DYNC2H1: variants seen among roughly 807,000 people sequenced by gnomAD.
DYNC2H1 encodes the protein dynein cytoplasmic 2 heavy chain 1.
DYNC2H1 carries 410 observed loss-of-function variants against 570.0 expected under a neutral mutation model. The ratio of observed to expected loss-of-function variants is 0.72; its 90% CI spans 0.66 to 0.78. The LOEUF is 0.78. Among genes scored for constraint, DYNC2H1 ranks in the 30% least tolerant of loss-of-function variants. DYNC2H1 has a pLI of 0.00. For synonymous variants in DYNC2H1, 1,688 were observed against 1,677.6 expected, an observed-to-expected ratio of 1.01 and a Z score of -0.15; for missense variants, 4,865 against 5,046.4, an observed-to-expected ratio of 0.96 and a Z score of 1.09.
chr11:103,236,263 T>C (rs1394506030), intron 62 of DYNC2H1, among the ~76,000 whole-genome samples, 167 bp from the exon 63 acceptor site: 1 of 151,978 alleles, frequency 6.6e-6, no homozygotes, highest in African/African-American at 2.4e-5. Context: ...ACTTTTTGTT[T>C]TTGTTTTAGA....
intron 83 of DYNC2H1, among the ~76,000 whole-genome samples, chr11:103,383,478 A>ATTTAT (rs201715755): frequency 3.6e-5 from 3 of 82,460 alleles, no homozygotes; most frequent in African/African-American, 3.7e-5. Flanking sequence ...TTAAATCTTT[A>ATTTAT]TTTTTTTTTT....
chr11:103,182,540 T>G (rs1442793603), intron 40 of DYNC2H1, among the ~76,000 whole-genome samples: 1 of 151,770 alleles, frequency 6.6e-6, no homozygotes, highest in African/African-American at 2.4e-5. Context: ...TGGAGAAAAA[T>G]GACATGCAAA....
chr11:103,283,850 G>C (rs773955798), intron 73 of DYNC2H1, among the ~76,000 whole-genome samples: 4 of 151,918 alleles, frequency 2.6e-5, no homozygotes, highest in African/African-American at 9.7e-5. Flanking sequence ...TGAAAAAAAG[G>C]GGGGGGAATT....
intron 81 of DYNC2H1, among the ~76,000 whole-genome samples, chr11:103,323,671 GAAAAT>G (rs1212950953): frequency 1.3e-5 from 2 of 151,902 alleles, no homozygotes; most frequent in African/African-American, 4.8e-5. Context: ...GTTATGATAA[GAAAAT>G]ATAATATCAA....
intron 84 of DYNC2H1, chr11:103,406,222 G>C (rs1016432088): frequency 9.2e-5 from 14 of 151,944 alleles, no homozygotes; most frequent in African/African-American, 3.4e-4. Flanking sequence ...TCTAAGTTAT[G>C]ATTAGTATTA....
intron 83 of DYNC2H1, among the ~76,000 whole-genome samples, chr11:103,390,532 C>G (rs1013154413): frequency 6.6e-6 from 1 of 152,060 alleles, no homozygotes; most frequent in African/African-American, 2.4e-5. Flanking sequence ...GAATTTGATC[C>G]TGTCATTATG....
chr11:103,110,560 A>G (rs189661420), intron 1 of DYNC2H1, among the ~76,000 whole-genome samples: 1 of 152,034 alleles, frequency 6.6e-6, no homozygotes, highest in African/African-American at 2.4e-5. Context: ...GGTGTACATC[A>G]TGTGATATAC....
intron 83 of DYNC2H1, among the ~76,000 whole-genome samples, chr11:103,392,209 C>A (rs1380650067): frequency 3.9e-5 from 6 of 152,236 alleles, no homozygotes; most frequent in African/African-American, 1.2e-4. Context: ...GCGGGCGCCC[C>A]TCCCCCAGCC....
Position 103,162,891 on chromosome 11 carries a change from C to A in DYNC2H1, c.4492-137C>A, listed in dbSNP as rs1455034862. ...TAACACATTTTAGGAGTGTAATGATCAATAGGAAAGTATAATACCCCGTCT... is the reference window on the plus strand; with the variant it reads ...TAACACATTTTAGGAGTGTAATGATAAATAGGAAAGTATAATACCCCGTCT... On this transcript the variant is annotated intron_variant, in intron 29 of 88. Transcript: ENST00000375735. The A allele has an allele frequency of 6.8e-6, 4 of 589,414 alleles. No individual in the cohort carries two copies. In the South Asian group the frequency reaches 1.4e-4, roughly 20 times the overall value. 36.5% of individuals were successfully genotyped at this position (589,414 alleles called of 1,614,324 possible).
At chr11:103,433,412 C>T (rs1943963064) in intron 84 of DYNC2H1, among the ~76,000 whole-genome samples, 1 of 151,834 alleles carries the variant, frequency 6.6e-6, no homozygotes, top group Non-Finnish European at 1.5e-5. Context: ...TAATAAATTG[C>T]CCTAAGTCTT....
Position 103,199,147 on chromosome 11 carries a change from T to A in DYNC2H1, c.7840-81T>A. The A allele has an allele frequency of 1.0e-6, 1 of 989,248 alleles. No homozygotes were observed. Among genetic ancestry groups the A allele is most frequent in the Non-Finnish European group, 1.4e-6 (1 of 726,040 alleles). The allele number at this position is 989,248 out of a possible 1,614,324, so 61.3% of individuals were successfully genotyped here. On this transcript the variant is annotated intron_variant, in intron 48 of 88. Transcript: ENST00000375735. The surrounding 1 kb of genome is among the most constrained non-coding windows in gnomAD (Gnocchi z 4.6). ...TTTCTTGAATGTATCAAAAATATAATATTTTAACCTAGGTAAGTAACATTT... is the reference window on the plus strand; with the variant it reads ...TTTCTTGAATGTATCAAAAATATAAAATTTTAACCTAGGTAAGTAACATTT...
chr11:103,198,809 C>T (rs1862604170), intron 48 of DYNC2H1, among the ~76,000 whole-genome samples: 1 of 152,076 alleles, frequency 6.6e-6, no homozygotes, highest in African/African-American at 2.4e-5. Context: ...CATTCCCAAG[C>T]AATGCGAAAG....
At chr11:103,165,771 T>C (rs992020889) in intron 30 of DYNC2H1, 127 bp from the exon 31 acceptor site, 2 of 682,682 alleles carry the variant, frequency 2.9e-6, no homozygotes, top group African/African-American at 3.7e-5. Context: ...AAGGTTCCAG[T>C]ATGACATTAA....
rs762492847 is a variant in DYNC2H1 at position 103,399,765 on chromosome 11, G to C, written c.12259G>C (p.Val4087Leu). The change falls in exon 84 of 89, where the codon GTA becomes CTA. Residue 4087 changes from valine (V) to leucine (L), a missense_variant. Around this residue, in one of 5 missense-constraint regions of DYNC2H1, gnomAD observed 2,401 missense variants for 2,454.6 expected, o/e 0.98. Coordinates refer to ENST00000375735, the MANE Select transcript of DYNC2H1 (RefSeq NM_001377.3). ...TGAACAATTTAATGCTATTCGTTTA[G>C]TACAAAGTGTCCACCAGTCTCTTGC... ...ILEQFNAIRL[V>L]QSVHQSLAAL... The C allele has an allele frequency of 7.4e-6, 12 of 1,613,896 alleles. No homozygotes were observed. Among genetic ancestry groups the C allele is most frequent in the Middle Eastern group, 1.7e-4 (1 of 6,060 alleles).
At chr11:103,444,246 T>A (rs1944358647) in intron 85 of DYNC2H1, among the ~76,000 whole-genome samples, 1 of 151,954 alleles carries the variant, frequency 6.6e-6, no homozygotes, top group Non-Finnish European at 1.5e-5. Context: ...TTTATAATAA[T>A]TATTCTTTAA....
intron 55 of DYNC2H1, among the ~76,000 whole-genome samples, chr11:103,216,928 A>G (rs1863408590): frequency 6.6e-6 from 1 of 152,204 alleles, no homozygotes; most frequent in African/African-American, 2.4e-5. Flanking sequence ...GTACTATAAT[A>G]TACACTAATT....
At chr11:103,135,116 G>T (rs899359653) in intron 15 of DYNC2H1, among the ~76,000 whole-genome samples, 1 of 152,050 alleles carries the variant, frequency 6.6e-6, no homozygotes, top group Non-Finnish European at 1.5e-5. Flanking sequence ...CATTATGTAA[G>T]AAGTGGGAAG....
Position 103,168,888 on chromosome 11 carries a change from C to G in DYNC2H1, c.4896C>G (p.Phe1632Leu). 1 of 1,613,098 alleles carries G rather than the reference C, an allele frequency of 6.2e-7. No homozygotes were observed. The highest frequency in any genetic ancestry group is 8.5e-7 in the Non-Finnish European group (1 of 1,179,506). The change falls in exon 32 of 89, where the codon TTC becomes TTG. Residue 1632 changes from phenylalanine (F) to leucine (L), a missense_variant. Around this residue, in one of 5 missense-constraint regions of DYNC2H1, gnomAD observed 1,936 missense variants for 1,962.1 expected, o/e 0.99. Transcript: ENST00000375735. Reference sequence around the variant, plus strand: ...GGGCTTGGAAAAAACAACTTAGATTCTATATGAAAAGTGATCATACATGTT... The same window carrying G: ...GGGCTTGGAAAAAACAACTTAGATTGTATATGAAAAGTGATCATACATGTT... ...EDWAWKKQLR[F>L]YMKSDHTCCV...
intron 85 of DYNC2H1, among the ~76,000 whole-genome samples, chr11:103,438,557 G>A (rs1056996835): frequency 6.6e-6 from 1 of 152,120 alleles, no homozygotes; most frequent in African/African-American, 2.4e-5. Flanking sequence ...TATAGTTTAA[G>A]ATTTTAGGGT....
Sources: allele counts gnomAD v4.1 joint callset (sites outside exome capture counted in the v4.1 genomes callset), GRCh38; gene constraint gnomAD v4.1.1; regional missense constraint gnomAD v4.1.1; non-coding constraint Gnocchi (gnomAD v3.1); transcripts MANE v1.5; gene names NCBI Gene and HGNC (gene_info 2026-07-23, HGNC 2026-07-21).